SYCE2: variants seen among roughly 807,000 people sequenced by gnomAD.
SYCE2 encodes synaptonemal complex central element protein 2.
A neutral mutation model predicts 27.9 loss-of-function variants in SYCE2; 3 were observed. The ratio of observed to expected loss-of-function variants is 0.11; its 90% CI spans 0.05 to 0.28. The LOEUF is 0.28. Ranked by LOEUF, SYCE2 falls within the 10% of genes least tolerant of loss-of-function variation. The pLI, the probability that SYCE2 is intolerant of heterozygous loss-of-function variation, is 1.00. For synonymous variants in SYCE2, 85 were observed against 100.7 expected, an observed-to-expected ratio of 0.84 and a Z score of 0.93; for missense variants, 207 against 263.5, an observed-to-expected ratio of 0.79 and a Z score of 1.48.
At chr19:12,912,752 G>A (rs1971069678) in intron 2 of SYCE2, among the ~76,000 whole-genome samples, 1 of 151,696 alleles carries the variant, frequency 6.6e-6, no homozygotes, top group Non-Finnish European at 1.5e-5. Flanking sequence ...GCTGGAACCG[G>A]TTTTCATGGC....
intron 1 of SYCE2, among the ~76,000 whole-genome samples, chr19:12,918,557 G>A (rs1971181556): frequency 6.6e-6 from 1 of 152,176 alleles, no homozygotes. Context: ...AGACCTAGAG[G>A]GGCCGGGTGA....
chr19:12,918,142 G>A, intron 2 of SYCE2, 80 bp downstream of exon 2: 2 of 1,223,468 alleles, frequency 1.6e-6, no homozygotes, highest in Non-Finnish European at 1.2e-6. Context: ...GCAGACACTG[G>A]CATAGCCTTG....
intron 3 of SYCE2, among the ~76,000 whole-genome samples, chr19:12,902,657 A>G (rs188196188): frequency 1.6e-4 from 25 of 152,004 alleles, no homozygotes; most frequent in South Asian, 4.2e-4. Context: ...ATAAATAAAT[A>G]AAACAAGTGA....
At chr19:12,907,843 T>G (rs1486765851) in intron 2 of SYCE2, among the ~76,000 whole-genome samples, 1 of 149,686 alleles carries the variant, frequency 6.7e-6, no homozygotes, top group African/African-American at 2.5e-5. Flanking sequence ...CCAGGCACAG[T>G]GGGCTCACGC....
chr19:12,900,294 G>T, intron 4 of SYCE2, 166 bp downstream of exon 4: 1 of 1,049,320 alleles, frequency 9.5e-7, no homozygotes, highest in Non-Finnish European at 1.4e-6. Context: ...GACACACCAT[G>T]TTATAGGGGA....
intron 2 of SYCE2, among the ~76,000 whole-genome samples, chr19:12,915,644 A>T (rs1426967062): frequency 6.6e-6 from 1 of 151,036 alleles, no homozygotes; most frequent in African/African-American, 2.4e-5. Context: ...TATGGGAATT[A>T]TATCTCAAAG....
intron 5 of SYCE2, 164 bp downstream of exon 5, chr19:12,899,840 C>T (rs955111074): frequency 2.7e-5 from 43 of 1,567,448 alleles, no homozygotes; most frequent in Admixed American, 6.7e-5. Flanking sequence ...GAAGCAACTC[C>T]GTCTGCTGCA....
chr19:12,899,662 G>C, intron 5 of SYCE2: 1 of 1,612,380 alleles, frequency 6.2e-7, no homozygotes, highest in Non-Finnish European at 8.5e-7. Context: ...GGAAGTGAGA[G>C]ACACTGATTT....
intron 2 of SYCE2, among the ~76,000 whole-genome samples, chr19:12,911,046 T>G (rs1413757892): frequency 6.6e-6 from 1 of 151,826 alleles, no homozygotes; most frequent in East Asian, 1.9e-4. Context: ...GTACAATTAC[T>G]GCAACTTTGA....
At chr19:12,912,649 G>C (rs1971068140) in intron 2 of SYCE2, among the ~76,000 whole-genome samples, 1 of 152,114 alleles carries the variant, frequency 6.6e-6, no homozygotes, top group African/African-American at 2.4e-5. Flanking sequence ...AAATCGATGA[G>C]AGCACCAGGT....
At chr19:12,899,661 A>G in intron 5 of SYCE2, 1 of 1,612,428 alleles carries the variant, frequency 6.2e-7, no homozygotes, top group Non-Finnish European at 8.5e-7. Context: ...GGGAAGTGAG[A>G]GACACTGATT....
chr19:12,899,226 T>C lies in SYCE2; in HGVS notation c.*115A>G. On this transcript the variant is annotated 3_prime_UTR_variant, in exon 6 of 6. Coordinates refer to ENST00000293695, the MANE Select transcript of SYCE2 (RefSeq NM_001105578.2). ...CAAGGAGCTTTGGGTTTTTGTTTTT[T>C]TCTGCCAAGATGCATTATAGAACCA... The C allele has an allele frequency of 2.0e-6, 2 of 990,016 alleles. No homozygotes were observed. Among genetic ancestry groups the C allele is most frequent in the South Asian group, 2.8e-5 (2 of 71,220 alleles). The allele number at this position is 990,016 out of a possible 1,614,324, so 61.3% of individuals were successfully genotyped here.
intron 2 of SYCE2, among the ~76,000 whole-genome samples, chr19:12,904,961 G>A (rs997551853): frequency 2.0e-5 from 3 of 151,476 alleles, no homozygotes; most frequent in East Asian, 3.9e-4. Flanking sequence ...CCGAGATCAC[G>A]CCACTGTACT....
At chr19:12,900,251 T>A in intron 4 of SYCE2, 131 bp from the exon 5 acceptor site, 1 of 1,208,202 alleles carries the variant, frequency 8.3e-7, no homozygotes, top group South Asian at 1.6e-5. Flanking sequence ...CATACAACAG[T>A]GGGACATGAC....
At chr19:12,918,109 T>G in intron 2 of SYCE2, 113 bp downstream of exon 2, 2 of 839,142 alleles carry the variant, frequency 2.4e-6, no homozygotes, top group Non-Finnish European at 3.9e-6. Context: ...CAAGACGCTG[T>G]GTTAGGAGGG....
At chr19:12,914,891 G>A (rs150475172) in intron 2 of SYCE2, among the ~76,000 whole-genome samples, 1,995 of 152,346 alleles carry the variant, frequency 0.013, 27 homozygotes, top group Non-Finnish European at 0.023. Context: ...TTACAGGCAT[G>A]AGCCATCGTG....
In SYCE2 at chr19:12,899,014, G is replaced by T; in HGVS notation, c.*327C>A. On this transcript the variant is annotated 3_prime_UTR_variant, in exon 6 of 6. Transcript: ENST00000293695. ...CCTATCCCTCCCGAGGGTAAGAAAG[G>T]GCTTGCTGTGTTTCCTTGGAGCTCA... 1 of 394,538 alleles carries T rather than the reference G, an allele frequency of 2.5e-6. No individual in the cohort carries two copies. Among genetic ancestry groups the T allele is most frequent in the South Asian group, 2.4e-5 (1 of 42,100 alleles). 24.4% of individuals were successfully genotyped at this position (394,538 alleles called of 1,614,324 possible).
intron 3 of SYCE2, 45 bp from the exon 4 acceptor site, chr19:12,900,693 A>G (rs1568432458): frequency 5.2e-6 from 8 of 1,533,812 alleles, no homozygotes; most frequent in Non-Finnish European, 7.2e-6. Flanking sequence ...AACAAGAGGT[A>G]TCACAAGACA....
At position 12,899,295 on chromosome 19, in the gene SYCE2, T is replaced by G; in HGVS notation, c.*46A>C. 6.5e-7 allele frequency: 1 copy of G among 1,541,466 alleles called. No individual in the cohort carries two copies. Among genetic ancestry groups the G allele is most frequent in the Non-Finnish European group, 9.0e-7 (1 of 1,113,836 alleles). On this transcript the variant is annotated 3_prime_UTR_variant, in exon 6 of 6. Coordinates refer to ENST00000293695, the MANE Select transcript of SYCE2 (RefSeq NM_001105578.2). Reference sequence around the variant, plus strand: ...TGTGGCCCAAATGGTGGCCTCACAGTCTTCTCCTGGAGACTGTCACTAAGG... The same window carrying G: ...TGTGGCCCAAATGGTGGCCTCACAGGCTTCTCCTGGAGACTGTCACTAAGG...
Sources: allele counts gnomAD v4.1 joint callset (sites outside exome capture counted in the v4.1 genomes callset), GRCh38; gene constraint gnomAD v4.1.1; transcripts MANE v1.5; gene names NCBI Gene and HGNC (gene_info 2026-07-23, HGNC 2026-07-21).